Variants in NCKAP5 observed in about 807,000 individuals in gnomAD.
NCKAP5 encodes the protein nck-associated protein 5.
A neutral mutation model predicts 167.0 loss-of-function variants in NCKAP5; 92 were observed. The ratio of observed to expected loss-of-function variants is 0.55; its 90% CI spans 0.47 to 0.66. NCKAP5 has a LOEUF of 0.66. NCKAP5 is among the 30% of genes least tolerant of loss of function. NCKAP5 has a pLI of 0.00. For missense variants in NCKAP5, 2,378 were observed against 2,315.0 expected, an observed-to-expected ratio of 1.03 and a Z score of -0.56; for synonymous variants, 891 against 877.4, an observed-to-expected ratio of 1.02 and a Z score of -0.27.
the NCKAP5 span, among the ~76,000 whole-genome samples, chr2:133,653,550 T>G: frequency 6.6e-6 from 1 of 152,218 alleles, no homozygotes; most frequent in Non-Finnish European, 1.5e-5. Flanking sequence ...AAATCCATTT[T>G]AAATGTCCTT....
chr2:133,066,527 C>T (rs2080201748), intron 6 of NCKAP5, among the ~76,000 whole-genome samples: 1 of 152,096 alleles, frequency 6.6e-6, no homozygotes, highest in Admixed American at 6.5e-5. Flanking sequence ...TCTTTCTCTC[C>T]CTTCCTTCTT....
At chr2:133,592,615 A>G in the NCKAP5 span, among the ~76,000 whole-genome samples, 1 of 152,232 alleles carries the variant, frequency 6.6e-6, no homozygotes, top group Non-Finnish European at 1.5e-5. Context: ...TGAAGTCTCC[A>G]ATTTCAGCCA....
chr2:133,664,883 T>C, the NCKAP5 span, among the ~76,000 whole-genome samples: 1 of 152,248 alleles, frequency 6.6e-6, no homozygotes, highest in East Asian at 1.9e-4. Flanking sequence ...ATCAGTACTT[T>C]CTGCTTCACT....
At chr2:132,991,853 G>A (rs532756007) in intron 7 of NCKAP5, among the ~76,000 whole-genome samples, 1 of 152,270 alleles carries the variant, frequency 6.6e-6, no homozygotes, top group South Asian at 2.1e-4. Flanking sequence ...TTGGCCGCAG[G>A]GAGGTGTTAA....
intron 19 of NCKAP5, among the ~76,000 whole-genome samples, chr2:132,721,136 C>T (rs1469551516): frequency 6.6e-6 from 1 of 151,934 alleles, no homozygotes; most frequent in Admixed American, 6.6e-5. Context: ...GGTGAAACCC[C>T]GTCTCTACTA....
chr2:132,846,512 C>T (rs1201871771), intron 11 of NCKAP5, among the ~76,000 whole-genome samples: 1 of 151,980 alleles, frequency 6.6e-6, no homozygotes, highest in Non-Finnish European at 1.5e-5. Context: ...GCGATGTTGG[C>T]CAGGTTGGTC....
At chr2:133,609,028 C>T in the NCKAP5 span, among the ~76,000 whole-genome samples, 1 of 152,192 alleles carries the variant, frequency 6.6e-6, no homozygotes, top group Non-Finnish European at 1.5e-5. Context: ...CGCCTCCTTC[C>T]ACAATTAGTT....
the NCKAP5 span, among the ~76,000 whole-genome samples, chr2:133,650,197 A>G: frequency 3.5e-4 from 54 of 152,314 alleles, no homozygotes; most frequent in South Asian, 2.7e-3. Flanking sequence ...CAAAATATCA[A>G]TGAAAGAAAT....
chr2:133,120,392 C>T (rs1442653865), intron 6 of NCKAP5, among the ~76,000 whole-genome samples: 1 of 152,188 alleles, frequency 6.6e-6, no homozygotes, highest in Non-Finnish European at 1.5e-5. Flanking sequence ...CAACTGTTTA[C>T]AGTTAGCACT....
intron 7 of NCKAP5, 63 bp downstream of exon 7, chr2:132,994,089 C>A (rs1465103632): frequency 6.4e-6 from 8 of 1,259,400 alleles, no homozygotes; most frequent in Non-Finnish European, 8.8e-6. Context: ...GAGGACAAAC[C>A]TAGAGAAATA....
rs141660592 is a variant in NCKAP5 at position 133,103,143 on chromosome 2, TTATTA to T, written c.341+26830_341+26834del. ...TTACATATTTTTACATATTTGTTGG[TTATTA>T]TGTTTTCCTTCCATCACTTTTCTAC... On this transcript the variant is annotated intron_variant, in intron 6 of 19. Transcript: ENST00000409261. 3.1e-3 allele frequency among the ~76,000 whole-genome samples: 469 copies of T among 152,332 alleles called. 3 individuals are homozygous for T. Among genetic ancestry groups the T allele is most frequent in the African/African-American group, 0.011 (444 of 41,566 alleles).
chr2:133,317,492 T>C (rs1319305267), intron 3 of NCKAP5, among the ~76,000 whole-genome samples: 3 of 152,094 alleles, frequency 2.0e-5, no homozygotes, highest in Admixed American at 1.3e-4. Context: ...GGTGGGGTTT[T>C]GGGGTTGGGT....
rs1438134338 is a variant in NCKAP5 at position 133,032,277 on chromosome 2, G to C, written c.342-38038C>G. Among the ~76,000 whole-genome samples the C allele has an allele frequency of 3.3e-5, 5 of 152,144 alleles. No homozygotes were observed. The East Asian group carries it at 9.7e-4, about 29-fold the overall frequency. ...CCAGGCCAGGCAGCATTTACCAGAA[G>C]TTGACCTAAGAAACCTTGGGCCTTA... is the stretch of plus-strand genomic sequence containing the variant. On this transcript the variant is annotated intron_variant, in intron 6 of 19. Transcript: ENST00000409261.
chr2:132,924,294 G>A (rs1253236227), intron 8 of NCKAP5, among the ~76,000 whole-genome samples: 8 of 151,958 alleles, frequency 5.3e-5, no homozygotes, highest in African/African-American at 9.7e-5. Flanking sequence ...CTGTACTCTG[G>A]GCCCATAAAA....
intron 6 of NCKAP5, among the ~76,000 whole-genome samples, chr2:132,999,407 A>G (rs1573688006): frequency 6.6e-6 from 1 of 152,220 alleles, no homozygotes; most frequent in Non-Finnish European, 1.5e-5. Context: ...CCAGGGGACC[A>G]CCTTTGTCAT....
At chr2:133,506,391 C>T (rs898834531) in intron 3 of NCKAP5, among the ~76,000 whole-genome samples, 37 of 152,306 alleles carry the variant, frequency 2.4e-4, no homozygotes, top group Admixed American at 1.7e-3. Context: ...TGGATACACT[C>T]GTTTGGCCTC....
the NCKAP5 span, among the ~76,000 whole-genome samples, chr2:133,647,594 GGAGAGA>G: frequency 7.3e-6 from 1 of 137,784 alleles, no homozygotes; most frequent in African/African-American, 2.7e-5. Flanking sequence ...ATATAGAGAG[GGAGAGA>G]GAGAGAGAGG....
chr2:133,367,492 T>C (rs1685527256), intron 3 of NCKAP5, among the ~76,000 whole-genome samples: 2 of 152,204 alleles, frequency 1.3e-5, no homozygotes, highest in Non-Finnish European at 2.9e-5. Flanking sequence ...GTTGTTGTTA[T>C]TGTTGTTGTT....
At chr2:132,908,177 G>T (rs1694155756) in intron 8 of NCKAP5, among the ~76,000 whole-genome samples, 1 of 151,816 alleles carries the variant, frequency 6.6e-6, no homozygotes. Flanking sequence ...TATCTCTATG[G>T]GGTTACACAA....
Sources: gnomAD v4.1 joint callset for allele counts (sites outside exome capture counted in the v4.1 genomes callset) on GRCh38, gnomAD v4.1.1 for gene constraint, MANE v1.5 for transcripts, NCBI Gene and HGNC (gene_info 2026-07-23, HGNC 2026-07-21) for gene names.